Variants in ULK4 observed in about 807,000 individuals in gnomAD.
ULK4 encodes inactive serine/threonine-protein kinase ULK4.
Under a neutral mutation model 160.6 loss-of-function variants are expected in ULK4, and 133 were observed. That is an observed-to-expected ratio of 0.83 (90% CI 0.72 to 0.96). The LOEUF is 0.96. Ranked by LOEUF, ULK4 falls within the 40% of genes least tolerant of loss-of-function variation. ULK4 has a pLI of 0.00. For synonymous variants in ULK4, 534 were observed against 539.8 expected, an observed-to-expected ratio of 0.99 and a Z score of 0.15; for missense variants, 1,580 against 1,499.5, an observed-to-expected ratio of 1.05 and a Z score of -0.89.
intron 34 of ULK4, among the ~76,000 whole-genome samples, chr3:41,402,511 A>G (rs1042445774): frequency 6.6e-6 from 1 of 152,142 alleles, no homozygotes; most frequent in Non-Finnish European, 1.5e-5. Context: ...GATGCCCTTT[A>G]TCAGGTTGGG....
At chr3:41,748,373 A>G (rs1199157139) in intron 22 of ULK4, among the ~76,000 whole-genome samples, 4 of 151,978 alleles carry the variant, frequency 2.6e-5, no homozygotes, top group Non-Finnish European at 5.9e-5. Flanking sequence ...ACTGACAAGA[A>G]GAACACCAAA....
intron 22 of ULK4, among the ~76,000 whole-genome samples, chr3:41,727,103 G>A (rs745749595): frequency 1.3e-4 from 20 of 152,020 alleles, no homozygotes; most frequent in Non-Finnish European, 2.5e-4. Flanking sequence ...AATCCTATGC[G>A]CATTGCACAC....
chr3:41,728,404 G>A lies in ULK4; in HGVS notation c.2322-10543C>T, dbSNP rs541229345. Among the ~76,000 whole-genome samples the A allele has an allele frequency of 3.7e-4, 57 of 152,250 alleles. 1 individual carries two copies. The highest frequency in any genetic ancestry group is 1.3e-3 in the African/African-American group (53 of 41,552). The stretch of plus-strand genomic sequence containing the variant: ...ACATTGAAAGAGAGGAAGCAAGAGA[G>A]GGGGTAGGTACAAGGCTCTTTTTAA... On this transcript the variant is annotated intron_variant, in intron 22 of 36. Transcript: ENST00000301831.
chr3:41,767,508 C>T (rs1278795578), intron 21 of ULK4, among the ~76,000 whole-genome samples: 1 of 152,162 alleles, frequency 6.6e-6, no homozygotes, highest in African/African-American at 2.4e-5. Flanking sequence ...CTGTTTCTTT[C>T]CTGCTCCTTG....
chr3:41,785,187 A>C (rs1416794236), intron 21 of ULK4, among the ~76,000 whole-genome samples: 2 of 152,232 alleles, frequency 1.3e-5, no homozygotes, highest in Non-Finnish European at 2.9e-5. Flanking sequence ...AACAGGAGCC[A>C]AACAGTTCAA....
At chr3:41,777,840 C>G (rs1391174345) in intron 21 of ULK4, among the ~76,000 whole-genome samples, 1 of 143,020 alleles carries the variant, frequency 7.0e-6, no homozygotes, top group Non-Finnish European at 1.5e-5. Context: ...GCTTTACTTC[C>G]AACTACATGG....
At chr3:41,807,642 T>C (rs1157296261) in intron 19 of ULK4, among the ~76,000 whole-genome samples, 1 of 152,210 alleles carries the variant, frequency 6.6e-6, no homozygotes, top group African/African-American at 2.4e-5. Context: ...TGAAAAGTAG[T>C]AAATTCTCAA....
chr3:41,747,973 T>C (rs951436983), intron 22 of ULK4, among the ~76,000 whole-genome samples: 5 of 152,146 alleles, frequency 3.3e-5, no homozygotes, highest in African/African-American at 1.2e-4. Flanking sequence ...ATACATACTT[T>C]CTTTAAAAAG....
In ULK4 at chr3:41,385,594, C is replaced by A. The variant is rs1269721072; in HGVS notation, c.3678+12485G>T. On this transcript the variant is annotated intron_variant, in intron 35 of 36. Coordinates refer to ENST00000301831, the MANE Select transcript of ULK4 (RefSeq NM_017886.4). ...GCACAGCCACATGTGCAAACAGATG[C>A]AGAAAATGGGAAAAAAAGTTTCACA... Among the ~76,000 whole-genome samples the A allele has an allele frequency of 3.9e-5, 6 of 152,056 alleles. No homozygotes were observed. In the East Asian group the frequency reaches 1.2e-3, roughly 29 times the overall value.
At chr3:41,774,020 T>C (rs541655713) in intron 21 of ULK4, among the ~76,000 whole-genome samples, 2 of 152,316 alleles carry the variant, frequency 1.3e-5, no homozygotes, top group East Asian at 3.9e-4. Flanking sequence ...GCTAGCCATA[T>C]GTAGAAAGCT....
chr3:41,471,460 A>AAAC (rs2083989021), intron 32 of ULK4, among the ~76,000 whole-genome samples: 1 of 152,186 alleles, frequency 6.6e-6, no homozygotes, highest in African/African-American at 2.4e-5. Context: ...ATTAATAAGA[A>AAAC]AACACTGGTC....
At chr3:41,495,319 C>A (rs75963953) in intron 32 of ULK4, among the ~76,000 whole-genome samples, 61,693 of 150,876 alleles carry the variant, frequency 0.41, 12,760 homozygotes, top group African/African-American at 0.44. Flanking sequence ...CAAAAACAAG[C>A]AATGGGGAAA....
chr3:41,804,659 G>C (rs1016292280), intron 19 of ULK4, among the ~76,000 whole-genome samples: 9 of 151,748 alleles, frequency 5.9e-5, no homozygotes, highest in African/African-American at 1.2e-4. Context: ...TAATTTTTGT[G>C]TAAGGTGTAA....
chr3:41,325,297 T>G (rs1217288233), intron 35 of ULK4, among the ~76,000 whole-genome samples: 1 of 152,082 alleles, frequency 6.6e-6, no homozygotes, highest in Admixed American at 6.6e-5. Flanking sequence ...TGGGGGTATC[T>G]GGGGAGTTTG....
rs535628631 is a variant in ULK4 at position 41,853,281 on chromosome 3, C to T, written c.1657-17310G>A. 1.5e-3 allele frequency among the ~76,000 whole-genome samples: 228 copies of T among 152,292 alleles called. 2 individuals are homozygous for T. Among genetic ancestry groups the T allele is most frequent in the Admixed American group, 5.6e-3 (85 of 15,290 alleles). ...CTGGTCTAGGAGCACACTTTGAGAA[C>T]TGCTACTGTGGTACTCAATATTGCC... On this transcript the variant is annotated intron_variant, in intron 17 of 36. Transcript: ENST00000301831.
intron 35 of ULK4, among the ~76,000 whole-genome samples, chr3:41,297,215 C>G (rs1436235223): frequency 6.6e-6 from 1 of 152,230 alleles, no homozygotes; most frequent in African/African-American, 2.4e-5. Flanking sequence ...AGGTCCCCAT[C>G]TATTTACTGT....
At chr3:41,651,393 G>A (rs1339645691) in intron 30 of ULK4, among the ~76,000 whole-genome samples, 1 of 152,118 alleles carries the variant, frequency 6.6e-6, no homozygotes, top group Non-Finnish European at 1.5e-5. Flanking sequence ...ATGCTTCACT[G>A]TTCTCCACGG....
intron 35 of ULK4, among the ~76,000 whole-genome samples, chr3:41,355,048 C>G (rs770345526): frequency 3.3e-5 from 5 of 152,168 alleles, no homozygotes; most frequent in Non-Finnish European, 7.3e-5. Flanking sequence ...AGCTAGAAAA[C>G]TCTTGTTTGC....
At chr3:41,442,599 C>T (rs1451227061) in intron 34 of ULK4, among the ~76,000 whole-genome samples, 5 of 151,738 alleles carry the variant, frequency 3.3e-5, no homozygotes, top group African/African-American at 1.2e-4. Context: ...ATATTTAAAA[C>T]CTTATTATTA....
Sources: allele counts gnomAD v4.1 joint callset (sites outside exome capture counted in the v4.1 genomes callset), GRCh38; gene constraint gnomAD v4.1.1; transcripts MANE v1.5; gene names NCBI Gene and HGNC (gene_info 2026-07-23, HGNC 2026-07-21).